PPP1R1B: variants seen among roughly 807,000 people sequenced by gnomAD.
PPP1R1B encodes protein phosphatase 1 regulatory inhibitor subunit 1B.
Under a neutral mutation model 28.2 loss-of-function variants are expected in PPP1R1B, and 13 were observed. The ratio of observed to expected loss-of-function variants is 0.46; its 90% CI spans 0.30 to 0.73. PPP1R1B has a LOEUF of 0.73. Among genes scored for constraint, PPP1R1B ranks in the 30% least tolerant of loss-of-function variants. PPP1R1B has a pLI of 0.07. For missense variants in PPP1R1B, 236 were observed against 256.7 expected, an observed-to-expected ratio of 0.92 and a Z score of 0.55; for synonymous variants, 102 against 97.5, an observed-to-expected ratio of 1.05 and a Z score of -0.27.
Position 39,629,961 on chromosome 17 carries a change from TC to T in PPP1R1B, c.166-7del, listed in dbSNP as rs764736712. 1.4e-5 allele frequency: 23 copies of T among 1,613,806 alleles called. No homozygotes were observed. The South Asian group carries it at 2.5e-4, about 18-fold the overall frequency. On this transcript the variant is annotated splice_polypyrimidine_tract_variant and intron_variant, in intron 3 of 6. Transcript: ENST00000254079. ...TGCTGAGCCCCTTTAACCTGGCACT[TC>T]CCCTGGCAGAGAGCCTCAGGAGAGG...
upstream of PPP1R1B, chr17:39,626,917 G>A (rs772265919): frequency 2.6e-5 from 4 of 156,262 alleles, no homozygotes; most frequent in Non-Finnish European, 5.6e-5. Flanking sequence ...GACGGGCTGG[G>A]GACCCCAAAG....
intron 3 of PPP1R1B, 114 bp downstream of exon 3, chr17:39,629,676 A>G: frequency 9.1e-7 from 1 of 1,096,958 alleles, no homozygotes; most frequent in South Asian, 1.4e-5. Context: ...AGGACACATT[A>G]GCATATCAAT....
chr17:39,636,349 A>G lies in PPP1R1B; in HGVS notation c.*484A>G, dbSNP rs537393599. 2.3e-3 allele frequency: 366 copies of G among 157,020 alleles called. No homozygotes were observed. The highest frequency in any genetic ancestry group is 4.0e-3 in the Non-Finnish European group (284 of 70,556). 9.7% of individuals were successfully genotyped at this position (157,020 alleles called of 1,614,324 possible). On this transcript the variant is annotated 3_prime_UTR_variant, in exon 7 of 7. Coordinates refer to ENST00000254079, the MANE Select transcript of PPP1R1B (RefSeq NM_032192.4). ...CTCTCACCGGCTTCTACCAGGGTCC[A>G]GGACTAAGGCGTTTTTCTCCATAGC...
Position 39,627,413 on chromosome 17 carries a change from G to A in PPP1R1B, c.21G>A (p.Lys7=), listed in dbSNP as rs1443946200. Residue 7 remains lysine, a synonymous_variant, in exon 1 of 7, where the codon AAG becomes AAA. Transcript: ENST00000254079. The stretch of plus-strand genomic sequence containing the variant: ...GCGCCATGGACCCCAAGGACCGCAA[G>A]AAGATCCAGTTCTCGGTGCCCGCGC... MDPKDR[K]KIQFSVPAPP... 1.2e-6 allele frequency: 2 copies of A among 1,604,432 alleles called. No homozygotes were observed. Among genetic ancestry groups the A allele is most frequent in the East Asian group, 2.3e-5 (1 of 44,188 alleles).
At chr17:39,633,593 C>T (rs2056894251) in intron 4 of PPP1R1B, 2 of 343,516 alleles carry the variant, frequency 5.8e-6, no homozygotes, top group African/African-American at 2.1e-5. Flanking sequence ...CTGTGCCCGC[C>T]TGGTCTTGCC....
intron 1 of PPP1R1B, 141 bp from the exon 2 acceptor site, chr17:39,629,029 G>GCTA: frequency 1.4e-6 from 1 of 740,502 alleles, no homozygotes; most frequent in Non-Finnish European, 2.3e-6. Flanking sequence ...GGTTAGGTGA[G>GCTA]CTACAGAGTT....
intron 1 of PPP1R1B, among the ~76,000 whole-genome samples, chr17:39,628,039 G>T (rs1352051955): frequency 6.6e-6 from 1 of 152,138 alleles, no homozygotes; most frequent in South Asian, 2.1e-4. Flanking sequence ...CCCAAGGAGG[G>T]AGAGGTGGGG....
chr17:39,631,525 G>A (rs907841910), intron 4 of PPP1R1B, among the ~76,000 whole-genome samples: 1 of 152,282 alleles, frequency 6.6e-6, no homozygotes, highest in South Asian at 2.1e-4. Flanking sequence ...CTCCTGCCTG[G>A]GGCTCTTCCT....
intron 4 of PPP1R1B, among the ~76,000 whole-genome samples, chr17:39,631,643 A>G: frequency 6.6e-6 from 1 of 152,186 alleles, no homozygotes; most frequent in East Asian, 1.9e-4. Context: ...AGCACCAGCC[A>G]AGGTCAACAG....
intron 1 of PPP1R1B, chr17:39,628,641 G>GACAACCAACCAGTATGGGGTGC: frequency 1.0e-6 from 1 of 986,818 alleles, no homozygotes; most frequent in Non-Finnish European, 1.2e-6. Context: ...TGCCTGCAGT[G>GACAACCAACCAGTATGGGGTGC]CGCTGGCTCA....
At chr17:39,631,980 G>A (rs1162074540) in intron 4 of PPP1R1B, among the ~76,000 whole-genome samples, 4 of 152,200 alleles carry the variant, frequency 2.6e-5, no homozygotes. Flanking sequence ...AAGCATGGGC[G>A]AACAGGCCAG....
intron 4 of PPP1R1B, among the ~76,000 whole-genome samples, chr17:39,631,766 A>G (rs145266930): frequency 6.6e-6 from 1 of 152,312 alleles, no homozygotes; most frequent in African/African-American, 2.4e-5. Context: ...ATGAAGGGTC[A>G]GAGCTGCAGC....
intron 5 of PPP1R1B, among the ~76,000 whole-genome samples, chr17:39,634,734 C>T (rs2056904547): frequency 6.6e-6 from 1 of 152,240 alleles, no homozygotes; most frequent in Admixed American, 6.5e-5. Context: ...AGGCCTTGGG[C>T]CTCCTGCCTG....
chr17:39,630,145 C>A (rs1433255055), intron 4 of PPP1R1B, 98 bp downstream of exon 4: 4 of 1,138,044 alleles, frequency 3.5e-6, no homozygotes, highest in Non-Finnish European at 5.2e-6. Flanking sequence ...ATTGTTTCGC[C>A]ACACATAGCC....
intron 4 of PPP1R1B, 142 bp downstream of exon 4, chr17:39,630,189 G>A (rs2056866807): frequency 1.3e-6 from 1 of 762,122 alleles, no homozygotes; most frequent in Non-Finnish European, 2.2e-6. Flanking sequence ...CCAACGTAAA[G>A]ACCAATTTTT....
chr17:39,628,179 C>T (rs1033939118), intron 1 of PPP1R1B, among the ~76,000 whole-genome samples: 1 of 151,958 alleles, frequency 6.6e-6, no homozygotes, highest in African/African-American at 2.4e-5. Flanking sequence ...CCTAGTGGAG[C>T]AGGGGTCACT....
rs2056845453 is a variant in PPP1R1B, at chr17:39,627,418, T to A, written c.26T>A (p.Ile9Asn). The A allele has an allele frequency of 6.2e-7, 1 of 1,602,284 alleles. No individual in the cohort carries two copies. Among genetic ancestry groups the A allele is most frequent in the African/African-American group, 1.4e-5 (1 of 73,238 alleles). ...ATGGACCCCAAGGACCGCAAGAAGA[T>A]CCAGTTCTCGGTGCCCGCGCCCCCT... MDPKDRKK[I>N]QFSVPAPPSQ... The change falls in exon 1 of 7, where the codon ATC becomes AAC. Residue 9 changes from isoleucine to asparagine, a missense_variant. Physicochemically the swap from Ile to Asn is moderately radical, Grantham distance 149. Coordinates refer to ENST00000254079, the MANE Select transcript of PPP1R1B (RefSeq NM_032192.4).
chr17:39,635,246 C>A (rs915513120), intron 5 of PPP1R1B, among the ~76,000 whole-genome samples: 1 of 151,930 alleles, frequency 6.6e-6, no homozygotes, highest in Non-Finnish European at 1.5e-5. Context: ...AACAAACAAA[C>A]AAAAAATGCA....
intron 1 of PPP1R1B, chr17:39,628,367 C>G (rs1257101789): frequency 3.4e-6 from 1 of 292,200 alleles, no homozygotes; most frequent in Middle Eastern, 1.6e-3. Context: ...TCACCTGGTT[C>G]TCTTTGTGCA....
Sources: allele counts gnomAD v4.1 joint callset (sites outside exome capture counted in the v4.1 genomes callset), GRCh38; gene constraint gnomAD v4.1.1; transcripts MANE v1.5; gene names NCBI Gene and HGNC (gene_info 2026-07-23, HGNC 2026-07-21).